MAPKBP1: variants seen among roughly 807,000 people sequenced by gnomAD.
MAPKBP1 encodes mitogen-activated protein kinase-binding protein 1.
A neutral mutation model predicts 170.5 loss-of-function variants in MAPKBP1; 71 were observed. The ratio of observed to expected loss-of-function variants is 0.42; its 90% confidence interval spans 0.34 to 0.51. The LOEUF (loss-of-function observed/expected upper bound fraction) is 0.51, where lower values mean the gene tolerates loss of function less well. Ranked by LOEUF, MAPKBP1 falls within the 20% of genes least tolerant of loss-of-function variation. The pLI is 0.06. For missense variants in MAPKBP1, 1,598 were observed against 1,933.0 expected (o/e 0.83, Z 3.25); for synonymous variants, 719 against 757.9 (o/e 0.95, Z 0.84).
At position 41,812,144 on chromosome 15, in the gene MAPKBP1, G is replaced by C. The variant is rs748342196; in HGVS notation, c.498+17G>C. 1.2e-6 allele frequency: 2 copies of C among 1,613,826 alleles called. No individual in the cohort carries two copies. Among genetic ancestry groups the C allele is most frequent in the Non-Finnish European group, 1.7e-6 (2 of 1,179,824 alleles). On this transcript the variant is annotated intron_variant, in intron 6 of 30. Coordinates refer to ENST00000457542, the MANE Select transcript of MAPKBP1 (RefSeq NM_014994.3). ...GCCTGGAAGGTGAGTGGCTGGGTGG[G>C]GTGGCCTGGCAGCCTCACAGGGGTC... is the stretch of plus-strand genomic sequence containing the variant.
Position 41,810,246 on chromosome 15 carries a change from CA to C in MAPKBP1, c.207-635del, listed in dbSNP as rs544424413. 1.5e-3 allele frequency among the ~76,000 whole-genome samples: 235 copies of C among 152,342 alleles called. 1 individual carries two copies. The highest frequency in any genetic ancestry group is 5.4e-3 in the African/African-American group (226 of 41,580). On this transcript the variant is annotated intron_variant, in intron 3 of 30. Transcript: ENST00000457542. ...CCTACACCCCTTCCTGGGGTATGCA[CA>C]AGGGCTGCGGGATGGCCTGTGTCCC...
chr15:41,815,117 C>A, intron 10 of MAPKBP1, 142 bp from the exon 11 acceptor site: 1 of 918,086 alleles, frequency 1.1e-6, no homozygotes, highest in Non-Finnish European at 1.7e-6. Context: ...AGGGTATATA[C>A]CAGTTATGTA....
chr15:41,821,799 T>C (rs1323801847), intron 24 of MAPKBP1, 49 bp downstream of exon 24: 2 of 1,596,562 alleles, frequency 1.3e-6, no homozygotes, highest in Non-Finnish European at 1.7e-6. Flanking sequence ...TTCCCCTCCC[T>C]ATGAGTGTTC....
intron 2 of MAPKBP1, among the ~76,000 whole-genome samples, chr15:41,787,896 A>G (rs2152070177): frequency 6.6e-6 from 1 of 152,276 alleles, no homozygotes; most frequent in East Asian, 1.9e-4. Flanking sequence ...AGGAGGTAAA[A>G]AAAACTTAAT....
intron 2 of MAPKBP1, among the ~76,000 whole-genome samples, chr15:41,789,220 A>G (rs2064351599): frequency 6.6e-6 from 1 of 151,886 alleles, no homozygotes; most frequent in African/African-American, 2.4e-5. Flanking sequence ...TGATGACCAG[A>G]TTTTTAGCTC....
chr15:41,810,736 A>G lies in MAPKBP1; in HGVS notation c.207-147A>G, dbSNP rs924840572. The G allele has an allele frequency of 7.2e-5, 44 of 609,264 alleles. 1 individual carries two copies. Among genetic ancestry groups the G allele is most frequent in the Middle Eastern group, 4.5e-4 (1 of 2,230 alleles). The allele number at this position is 609,264 out of a possible 1,614,324, so 37.7% of individuals were successfully genotyped here. A position where few individuals can be genotyped will look rare whatever the true frequency, so the allele number is the denominator to read the frequency against. ...CTGTCTCAAAAAAAAAAAAAAAAAAAAAAGAAAAGGAAAAAAACAGTGGAG... is the reference window on the plus strand; with the variant it reads ...CTGTCTCAAAAAAAAAAAAAAAAAAGAAAGAAAAGGAAAAAAACAGTGGAG... On this transcript the variant is annotated intron_variant, in intron 3 of 30. Transcript: ENST00000457542.
Position 41,818,433 on chromosome 15 carries a change from C to G in MAPKBP1, c.2093-86C>G. The G allele has an allele frequency of 6.8e-7, 1 of 1,466,834 alleles. No individual in the cohort carries two copies. The highest frequency in any genetic ancestry group is 9.5e-7 in the Non-Finnish European group (1 of 1,056,498). 90.9% of individuals were successfully genotyped at this position (1,466,834 alleles called of 1,614,324 possible). A position where few individuals can be genotyped will look rare whatever the true frequency, so the allele number is the denominator to read the frequency against. On this transcript the variant is annotated intron_variant, in intron 18 of 30. Coordinates refer to ENST00000457542, the MANE Select transcript of MAPKBP1 (RefSeq NM_014994.3). The surrounding 1 kb of genome is among the most constrained non-coding windows in gnomAD (Gnocchi z 5.2). ...AGAGCTACCTATCCCTACCCTGCAGCCAACCCCCGTGTCCACTGTTGGGAT... is the reference window on the plus strand; with the variant it reads ...AGAGCTACCTATCCCTACCCTGCAGGCAACCCCCGTGTCCACTGTTGGGAT...
intron 2 of MAPKBP1, among the ~76,000 whole-genome samples, chr15:41,798,730 T>C (rs1410116643): frequency 6.6e-6 from 1 of 152,114 alleles, no homozygotes; most frequent in Non-Finnish European, 1.5e-5. Context: ...CCACCCTAAG[T>C]GTTTCTGGTT....
At chr15:41,783,926 G>A (rs1285812237) in intron 2 of MAPKBP1, among the ~76,000 whole-genome samples, 2 of 151,832 alleles carry the variant, frequency 1.3e-5, no homozygotes, top group African/African-American at 2.4e-5. Flanking sequence ...GGAGAATGGC[G>A]TGAACCCGGG....
At chr15:41,775,861 C>G (rs1265463732) in intron 2 of MAPKBP1, among the ~76,000 whole-genome samples, 2 of 152,228 alleles carry the variant, frequency 1.3e-5, no homozygotes, top group African/African-American at 2.4e-5. Context: ...TTGCTCTTGC[C>G]TACGGTGAAA....
Position 41,815,658 on chromosome 15 carries a change from C to T in MAPKBP1, c.1352C>T (p.Thr451Ile). ...AAAATCATCTATGTGGATGGGAACA[C>T]CCAGGCCCTGCTGGACACAGAGCTG... Reference protein sequence around the residue: ...LIKIIYVDGNTQALLDTELPG... With the variant: ...LIKIIYVDGNIQALLDTELPG... Residue 451 changes from threonine to isoleucine, a missense_variant, in exon 12 of 31, where the codon ACC (threonine) becomes ATC (isoleucine). By Grantham distance (89) the Thr-to-Ile change is moderately conservative. Transcript: ENST00000457542. The T allele has an allele frequency of 6.2e-7, 1 of 1,614,022 alleles. No individual in the cohort carries two copies. The highest frequency in any genetic ancestry group is 8.5e-7 in the Non-Finnish European group (1 of 1,179,940).
At chr15:41,784,550 G>A (rs1328112720) in intron 2 of MAPKBP1, among the ~76,000 whole-genome samples, 3 of 152,002 alleles carry the variant, frequency 2.0e-5, no homozygotes, top group African/African-American at 7.3e-5. Flanking sequence ...TTGGGAGGCC[G>A]AGGCGGGTGG....
In MAPKBP1 at chr15:41,818,537, A is replaced by G; in HGVS notation, c.2111A>G (p.Lys704Arg). The G allele has an allele frequency of 6.2e-7, 1 of 1,613,278 alleles. No homozygotes were observed. The highest frequency in any genetic ancestry group is 8.5e-7 in the Non-Finnish European group (1 of 1,179,636). The part of the protein sequence containing the change: ...FGHSEIVTGM[K>R]FSNDCKHLIS... ...TTCACAGAGATTGTCACTGGCATGA[A>G]ATTTAGTAATGATTGTAAACATCTC... The change falls in exon 19 of 31, where the codon AAA (lysine) becomes AGA (arginine). Residue 704 changes from lysine to arginine, a missense_variant. Physicochemically the swap from Lys to Arg is conservative, Grantham distance 26. Around this residue, in one of 6 missense-constraint regions of MAPKBP1, gnomAD observed 63 missense variants for 115.2 expected, o/e 0.55. Coordinates refer to ENST00000457542, the MANE Select transcript of MAPKBP1 (RefSeq NM_014994.3). This position sits in a 1 kb window ranked among gnomAD's most constrained non-coding sequence, Gnocchi z 5.2.
At chr15:41,814,352 C>T (rs1166048915) in intron 9 of MAPKBP1, among the ~76,000 whole-genome samples, 198 bp from the exon 10 acceptor site, 2 of 152,158 alleles carry the variant, frequency 1.3e-5, no homozygotes, top group Non-Finnish European at 2.9e-5. Flanking sequence ...TGTGTTCATC[C>T]GAACACCATG....
Position 41,821,668 on chromosome 15 carries a change from T to TA in MAPKBP1, c.2803_2804insA (p.Phe935TyrfsTer11), listed in dbSNP as rs746431872. On this transcript the variant is annotated frameshift_variant, in exon 24 of 31. Transcript: ENST00000457542. LOFTEE classifies it high-confidence loss of function. ...ATTATTGTCACAAGAGGAAGGGGTC[T>TA]TTGCCCAAGATCTGGAACCTGCACC... is the stretch of plus-strand genomic sequence containing the variant. The TA allele has an allele frequency of 6.2e-7, 1 of 1,614,158 alleles. No individual in the cohort carries two copies. Among genetic ancestry groups the TA allele is most frequent in the Non-Finnish European group, 8.5e-7 (1 of 1,180,020 alleles).
Position 41,823,712 on chromosome 15 carries a change from T to C in MAPKBP1, c.3864T>C (p.Ala1288=). The C allele has an allele frequency of 6.2e-7, 1 of 1,614,088 alleles. No individual in the cohort carries two copies. The highest frequency in any genetic ancestry group is 8.5e-7 in the Non-Finnish European group (1 of 1,180,014). ...PLSKLALPSR[A]HLVLDIPKPL... is the part of the protein sequence containing the mutation. The stretch of plus-strand genomic sequence containing the variant: ...GCAAGCTGGCCCTGCCCAGCCGGGC[T>C]CACCTGGTCCTGGACATCCCCAAAC... Residue 1288 remains alanine, a synonymous_variant, in exon 29 of 31, where the codon GCT becomes GCC. Coordinates refer to ENST00000457542, the MANE Select transcript of MAPKBP1 (RefSeq NM_014994.3).
intron 3 of MAPKBP1, among the ~76,000 whole-genome samples, chr15:41,810,260 T>C (rs2064778873): frequency 6.6e-6 from 1 of 152,158 alleles, no homozygotes; most frequent in Non-Finnish European, 1.5e-5. Flanking sequence ...GGCTGCGGGA[T>C]GGCCTGTGTC....
intron 2 of MAPKBP1, among the ~76,000 whole-genome samples, chr15:41,779,152 A>G (rs1046730836): frequency 6.6e-6 from 1 of 152,166 alleles, no homozygotes; most frequent in Non-Finnish European, 1.5e-5. Context: ...AAAAGTGGCA[A>G]TACTCTAATT....
intron 2 of MAPKBP1, among the ~76,000 whole-genome samples, chr15:41,791,780 TC>T (rs1214307314): frequency 6.6e-6 from 1 of 152,158 alleles, no homozygotes; most frequent in Admixed American, 6.5e-5. Flanking sequence ...CTGGTTCTCC[TC>T]CTCTCTTTCT....
Sources: gnomAD v4.1 joint callset for allele counts (sites outside exome capture counted in the v4.1 genomes callset) on GRCh38, gnomAD v4.1.1 for gene constraint, gnomAD v4.1.1 regional missense constraint, Gnocchi (gnomAD v3.1) non-coding constraint, MANE v1.5 for transcripts, NCBI Gene and HGNC (gene_info 2026-07-23, HGNC 2026-07-21) for gene names.